Variants in CLYBL observed in about 807,000 individuals in gnomAD.
CLYBL encodes citramalyl-CoA lyase, mitochondrial.
In CLYBL, 31 loss-of-function variants were observed where a neutral mutation model predicts 38.9. That is an observed-to-expected ratio of 0.80 (90% CI 0.60 to 1.08). The LOEUF (loss-of-function observed/expected upper bound fraction) is 1.08. Ranked by LOEUF, CLYBL falls within the 50% of genes least tolerant of loss-of-function variation. The pLI, the probability that CLYBL is intolerant of heterozygous loss-of-function variation, is 0.00. For synonymous variants in CLYBL, 171 were observed against 158.6 expected (o/e 1.08, Z -0.59); for missense variants, 434 against 411.6 (o/e 1.05, Z -0.47).
chr13:99,790,684 T>C (rs2049896278), intron 2 of CLYBL, among the ~76,000 whole-genome samples: 1 of 152,176 alleles, frequency 6.6e-6, no homozygotes, highest in African/African-American at 2.4e-5. Context: ...AAGCATCCAG[T>C]ATTCTATCGG....
chr13:99,715,517 C>T (rs201051412), intron 1 of CLYBL, among the ~76,000 whole-genome samples: 1 of 151,740 alleles, frequency 6.6e-6, no homozygotes, highest in Admixed American at 6.6e-5. Context: ...ATCCTCCTGC[C>T]TTAGCCTCCC....
intron 2 of CLYBL, among the ~76,000 whole-genome samples, chr13:99,853,147 G>T (rs7328387): frequency 0.1 from 15,941 of 151,892 alleles, 1,210 homozygotes; most frequent in African/African-American, 0.19. Flanking sequence ...ATTTTTAATT[G>T]GTTGGAGACC....
intron 1 of CLYBL, among the ~76,000 whole-genome samples, chr13:99,658,269 T>C (rs1419978015): frequency 6.6e-6 from 1 of 152,200 alleles, no homozygotes; most frequent in African/African-American, 2.4e-5. Context: ...TCGGGGTGAA[T>C]AGTGTGGGAG....
chr13:99,892,827 TTC>T (rs1383007506), downstream of CLYBL: 1 of 152,192 alleles, frequency 6.6e-6, no homozygotes, highest in Non-Finnish European at 1.5e-5. Flanking sequence ...TTTTCCCCAC[TTC>T]TCTCAATTCC....
intron 1 of CLYBL, among the ~76,000 whole-genome samples, chr13:99,770,631 C>T (rs1387447937): frequency 6.6e-6 from 1 of 150,960 alleles, no homozygotes. Flanking sequence ...CTCAAACTCT[C>T]TACCTCAGAT....
At chr13:99,650,494 C>G (rs553833758) in intron 1 of CLYBL, among the ~76,000 whole-genome samples, 129 of 152,324 alleles carry the variant, frequency 8.5e-4, no homozygotes, top group Non-Finnish European at 1.4e-3. Flanking sequence ...CTACTTTCCT[C>G]TCCTTGCCCA....
chr13:99,732,275 C>T (rs1313693473), intron 1 of CLYBL, among the ~76,000 whole-genome samples: 4 of 151,280 alleles, frequency 2.6e-5, no homozygotes, highest in Admixed American at 6.6e-5. Flanking sequence ...TCAACCTCCC[C>T]GGGCCCAAGC....
intron 1 of CLYBL, among the ~76,000 whole-genome samples, chr13:99,740,347 G>A (rs2048732669): frequency 6.6e-6 from 1 of 152,204 alleles, no homozygotes; most frequent in Admixed American, 6.5e-5. Context: ...GACAAATGCT[G>A]TCCTGTACCT....
intron 1 of CLYBL, among the ~76,000 whole-genome samples, chr13:99,631,706 C>T (rs1183155789): frequency 6.6e-6 from 1 of 151,986 alleles, no homozygotes; most frequent in Non-Finnish European, 1.5e-5. Flanking sequence ...TCAAGCGATT[C>T]TTCTGCCTCA....
At chr13:99,848,641 C>A (rs2051261868) in intron 2 of CLYBL, among the ~76,000 whole-genome samples, 1 of 152,176 alleles carries the variant, frequency 6.6e-6, no homozygotes, top group Admixed American at 6.5e-5. Flanking sequence ...TCCCTGGGAC[C>A]CCTCGGAGAC....
At chr13:99,637,173 C>A (rs1566595292) in intron 1 of CLYBL, among the ~76,000 whole-genome samples, 1 of 152,204 alleles carries the variant, frequency 6.6e-6, no homozygotes. Flanking sequence ...TGTGTCCAAC[C>A]TAATTTAAAC....
intron 1 of CLYBL, among the ~76,000 whole-genome samples, chr13:99,680,130 G>A (rs1029484909): frequency 6.6e-6 from 1 of 152,150 alleles, no homozygotes; most frequent in Admixed American, 6.5e-5. Flanking sequence ...ATTAATGGGG[G>A]AATTTCAATA....
intron 1 of CLYBL, among the ~76,000 whole-genome samples, chr13:99,655,827 G>A (rs1334015351): frequency 5.9e-5 from 9 of 152,216 alleles, no homozygotes; most frequent in Non-Finnish European, 1.0e-4. Context: ...GAGCACCTAG[G>A]AAGAGATATT....
intron 2 of CLYBL, among the ~76,000 whole-genome samples, chr13:99,776,284 C>T (rs1459214658): frequency 2.0e-5 from 3 of 151,706 alleles, no homozygotes; most frequent in African/African-American, 7.3e-5. Flanking sequence ...CACTTGAGGC[C>T]AGTAGTTCAA....
intron 1 of CLYBL, among the ~76,000 whole-genome samples, chr13:99,692,538 C>T (rs1252735929): frequency 3.3e-5 from 5 of 152,088 alleles, no homozygotes; most frequent in African/African-American, 9.7e-5. Context: ...ATGATCCACC[C>T]GCCTCACCCT....
At chr13:99,736,519 A>G (rs1223048804) in intron 1 of CLYBL, among the ~76,000 whole-genome samples, 1 of 151,978 alleles carries the variant, frequency 6.6e-6, no homozygotes, top group Non-Finnish European at 1.5e-5. Context: ...AAGAGCTAAT[A>G]TTTATGCCTG....
intron 1 of CLYBL, among the ~76,000 whole-genome samples, chr13:99,726,929 C>T (rs760478505): frequency 2.9e-4 from 44 of 152,246 alleles, no homozygotes; most frequent in Non-Finnish European, 3.5e-4. Flanking sequence ...GAGGCTGAGG[C>T]GGGCAGATCA....
chr13:99,651,345 G>A (rs538235643), intron 1 of CLYBL, among the ~76,000 whole-genome samples: 9 of 152,346 alleles, frequency 5.9e-5, no homozygotes, highest in African/African-American at 1.7e-4. Context: ...AAGCCAAGGC[G>A]AGTGGCCTGA....
chr13:99,618,862 C>G (rs929940600), intron 1 of CLYBL, among the ~76,000 whole-genome samples: 5 of 152,182 alleles, frequency 3.3e-5, no homozygotes, highest in Non-Finnish European at 5.9e-5. Context: ...CAAGGTGCAT[C>G]CATGTTACAG....
Sources: allele counts gnomAD v4.1 joint callset (sites outside exome capture counted in the v4.1 genomes callset), GRCh38; gene constraint gnomAD v4.1.1; transcripts MANE v1.5; gene names NCBI Gene and HGNC (gene_info 2026-07-23, HGNC 2026-07-21).